Variants in VEGFC observed in about 807,000 individuals in gnomAD.
VEGFC encodes the protein vascular endothelial growth factor C.
Under a neutral mutation model 46.1 loss-of-function variants are expected in VEGFC, and 12 were observed. The ratio of observed to expected loss-of-function variants is 0.26; its 90% CI spans 0.17 to 0.42. The LOEUF is 0.42. VEGFC is among the 10% of genes least tolerant of loss of function. The probability of loss-of-function intolerance (pLI) is 1.00; values close to 1 mark genes in which losing one functional copy is unlikely to be tolerated. For missense variants in VEGFC, 488 were observed against 529.4 expected (o/e 0.92, Z 0.77); for synonymous variants, 232 against 195.5 (o/e 1.19, Z -1.56).
intron 1 of VEGFC, among the ~76,000 whole-genome samples, chr4:176,783,327 AG>A (rs1438809418): frequency 6.6e-6 from 1 of 152,042 alleles, no homozygotes; most frequent in Non-Finnish European, 1.5e-5. Context: ...TCTCCCCTTA[AG>A]TTTTCTTTAT....
chr4:176,696,557 G>A lies in VEGFC; in HGVS notation c.705-8630C>T, dbSNP rs547733196. 1.3e-3 allele frequency among the ~76,000 whole-genome samples: 199 copies of A among 150,336 alleles called. 2 individuals are homozygous for A. Among genetic ancestry groups the A allele is most frequent in the African/African-American group, 4.5e-3 (183 of 40,380 alleles). ...TCAATATCGTGAAAATGGCCATACT[G>A]CCCAAGGTAATTTACAGATTCAATG... On this transcript the variant is annotated intron_variant, in intron 4 of 6. Transcript: ENST00000618562.
intron 4 of VEGFC, among the ~76,000 whole-genome samples, chr4:176,701,540 G>C (rs1734433293): frequency 6.6e-6 from 1 of 152,132 alleles, no homozygotes; most frequent in African/African-American, 2.4e-5. Flanking sequence ...AAACAAGACT[G>C]TCCAAAGGCA....
intron 1 of VEGFC, among the ~76,000 whole-genome samples, chr4:176,749,465 A>T (rs939116197): frequency 6.6e-6 from 1 of 151,828 alleles, no homozygotes; most frequent in Non-Finnish European, 1.5e-5. Context: ...CACACTATAA[A>T]ATGTGTACTT....
intron 4 of VEGFC, among the ~76,000 whole-genome samples, chr4:176,697,126 T>A (rs1027662638): frequency 8.6e-5 from 13 of 151,814 alleles, no homozygotes; most frequent in African/African-American, 2.9e-4. Flanking sequence ...AAGACAAAAT[T>A]GATAAATGGG....
At chr4:176,751,980 A>G (rs985765856) in intron 1 of VEGFC, among the ~76,000 whole-genome samples, 50 of 152,068 alleles carry the variant, frequency 3.3e-4, no homozygotes, top group African/African-American at 1.2e-3. Context: ...GAAAAAAAAA[A>G]TAAATGGATA....
At chr4:176,772,441 A>T (rs373824327) in intron 1 of VEGFC, among the ~76,000 whole-genome samples, 1 of 152,194 alleles carries the variant, frequency 6.6e-6, no homozygotes, top group Non-Finnish European at 1.5e-5. Context: ...TAAACACAAT[A>T]CTTCAGTAAC....
intron 1 of VEGFC, among the ~76,000 whole-genome samples, chr4:176,766,468 T>C (rs934337561): frequency 6.6e-6 from 1 of 151,706 alleles, no homozygotes; most frequent in Non-Finnish European, 1.5e-5. Flanking sequence ...GTACCTGTAG[T>C]CCCAGGTACT....
intron 1 of VEGFC, among the ~76,000 whole-genome samples, chr4:176,762,128 C>T (rs1473349979): frequency 2.0e-5 from 3 of 152,188 alleles, no homozygotes; most frequent in Non-Finnish European, 4.4e-5. Context: ...AGGCCTGAAA[C>T]TCACCAGGTC....
intron 1 of VEGFC, among the ~76,000 whole-genome samples, chr4:176,748,711 G>T (rs1228135293): frequency 6.6e-6 from 1 of 151,756 alleles, no homozygotes; most frequent in African/African-American, 2.4e-5. Context: ...GAGCACTGTC[G>T]CATATTTTAA....
intron 6 of VEGFC, among the ~76,000 whole-genome samples, chr4:176,686,294 G>T (rs570825441): frequency 6.6e-6 from 1 of 152,282 alleles, no homozygotes; most frequent in South Asian, 2.1e-4. Context: ...CATAAACCAG[G>T]TTTTAGTTGG....
At position 176,734,924 on chromosome 4, in the gene VEGFC, G is replaced by A. The variant is rs1735028642; in HGVS notation, c.148-5178C>T. ...GTATGAAAGCAGAAATTAAATAAAT[G>A]TAATTTAAAAGCATTCAGCCATTTT... On this transcript the variant is annotated intron_variant, in intron 1 of 6. Transcript: ENST00000618562. Among the ~76,000 whole-genome samples the A allele has an allele frequency of 2.0e-5, 3 of 151,422 alleles. No homozygotes were observed. The Admixed American group carries it at 2.0e-4, about 10-fold the overall frequency.
chr4:176,746,504 T>C (rs1735259938), intron 1 of VEGFC, among the ~76,000 whole-genome samples: 1 of 152,048 alleles, frequency 6.6e-6, no homozygotes, highest in South Asian at 2.1e-4. Context: ...AAAGCCCTCT[T>C]AATTTAGTAG....
intron 1 of VEGFC, among the ~76,000 whole-genome samples, chr4:176,766,298 C>A (rs1418841930): frequency 6.6e-6 from 1 of 151,960 alleles, no homozygotes; most frequent in African/African-American, 2.4e-5. Flanking sequence ...TATTAAGGTA[C>A]AATGAAGCTG....
intron 4 of VEGFC, among the ~76,000 whole-genome samples, chr4:176,709,604 T>C (rs983947097): frequency 6.6e-6 from 1 of 152,060 alleles, no homozygotes; most frequent in East Asian, 1.9e-4. Flanking sequence ...AGAAACAAGA[T>C]ACAGAGCAGG....
In VEGFC at chr4:176,751,273, G is replaced by T. The variant is rs138645813; in HGVS notation, c.148-21527C>A. 8.4e-3 allele frequency among the ~76,000 whole-genome samples: 1,282 copies of T among 151,912 alleles called. 12 individuals carry two copies. Among genetic ancestry groups the T allele is most frequent in the African/African-American group, 0.029 (1,225 of 41,530 alleles). On this transcript the variant is annotated intron_variant, in intron 1 of 6. Coordinates refer to ENST00000618562, the MANE Select transcript of VEGFC (RefSeq NM_005429.5). ...CAAACAGTCTTCCAAGAATGAAAGA[G>T]AAAACTTACAAAGAATTTTAGAATT...
chr4:176,782,197 C>T (rs113723022), intron 1 of VEGFC, among the ~76,000 whole-genome samples: 1 of 152,144 alleles, frequency 6.6e-6, no homozygotes, highest in African/African-American at 2.4e-5. Flanking sequence ...GCTGGAACAG[C>T]GGCTCATGCC....
At chr4:176,723,263 G>C (rs1365681186) in intron 3 of VEGFC, among the ~76,000 whole-genome samples, 1 of 151,914 alleles carries the variant, frequency 6.6e-6, no homozygotes, top group Non-Finnish European at 1.5e-5. Context: ...TCTAGATATA[G>C]ATATAGATAG....
chr4:176,765,086 T>C (rs1323134683), intron 1 of VEGFC, among the ~76,000 whole-genome samples: 1 of 152,096 alleles, frequency 6.6e-6, no homozygotes, highest in Non-Finnish European at 1.5e-5. Context: ...ACTAGTATGT[T>C]TGAGAAAACA....
chr4:176,701,865 C>G (rs932294742), intron 4 of VEGFC, among the ~76,000 whole-genome samples: 1 of 152,050 alleles, frequency 6.6e-6, no homozygotes, highest in African/African-American at 2.4e-5. Context: ...AGACTGTGGT[C>G]CAATTAACTG....
Sources: allele counts gnomAD v4.1 joint callset (sites outside exome capture counted in the v4.1 genomes callset), GRCh38; gene constraint gnomAD v4.1.1; transcripts MANE v1.5; gene names NCBI Gene and HGNC (gene_info 2026-07-23, HGNC 2026-07-21).